VPS39: variants seen among roughly 807,000 people sequenced by gnomAD.
VPS39 encodes the protein VPS39 subunit of HOPS complex, also known as vam6/Vps39-like protein.
A neutral mutation model predicts 121.0 loss-of-function variants in VPS39; 70 were observed. That is an observed-to-expected ratio of 0.58 (90% confidence interval 0.48 to 0.71). The LOEUF (loss-of-function observed/expected upper bound fraction) is 0.71. VPS39 is among the 30% of genes least tolerant of loss of function. VPS39 has a pLI of 0.00. For synonymous variants in VPS39, 378 were observed against 398.1 expected (o/e 0.95, Z 0.60); for missense variants, 818 against 1,051.5 (o/e 0.78, Z 3.07).
At chr15:42,161,553 A>G (rs1351739998) in intron 24 of VPS39, 129 bp downstream of exon 24, 5 of 975,236 alleles carry the variant, frequency 5.1e-6, no homozygotes, top group Non-Finnish European at 8.2e-6. Flanking sequence ...TCAAGAACTA[A>G]AAGTTGTCAG....
At chr15:42,192,111 AG>A in intron 2 of VPS39, 2 of 1,536,310 alleles carry the variant, frequency 1.3e-6, no homozygotes, top group Non-Finnish European at 1.7e-6. Flanking sequence ...GTTACAAAAA[AG>A]GGGAAGAAAG....
chr15:42,166,955 G>A lies in VPS39; in HGVS notation c.1378-42C>T, dbSNP rs369268622. The A allele has an allele frequency of 1.2e-5, 20 of 1,611,448 alleles. No homozygotes were observed. The African/African-American group carries it at 2.5e-4, about 20-fold the overall frequency. On this transcript the variant is annotated intron_variant, in intron 13 of 24. Coordinates refer to ENST00000318006, the MANE Select transcript of VPS39 (RefSeq NM_015289.5). The stretch of plus-strand genomic sequence containing the variant: ...AGTTCAGTGGAAACTGCTTCCTGGG[G>A]AGCCCCACCCTTCCCTGGCCCAGGC...
chr15:42,191,945 T>A, intron 2 of VPS39: 2 of 1,197,194 alleles, frequency 1.7e-6, no homozygotes, highest in South Asian at 1.4e-5. Flanking sequence ...GCCCAAAGCA[T>A]CCTTAGATCT....
At chr15:42,180,578 A>C (rs896728827) in intron 8 of VPS39, among the ~76,000 whole-genome samples, 3 of 152,230 alleles carry the variant, frequency 2.0e-5, no homozygotes, top group Non-Finnish European at 2.9e-5. Context: ...TGTATGGTGA[A>C]GGAGATTTAA....
intron 2 of VPS39, chr15:42,199,675 A>T (rs558086366): frequency 2.7e-4 from 146 of 544,608 alleles, no homozygotes; most frequent in Non-Finnish European, 3.8e-4. Context: ...TAATTCAGTA[A>T]TAAGTAAACC....
At chr15:42,179,219 C>T (rs1056334894) in intron 8 of VPS39, 2 of 152,218 alleles carry the variant, frequency 1.3e-5, no homozygotes, top group Non-Finnish European at 2.9e-5. Context: ...CATAACAATG[C>T]ATCAGTGGGA....
intron 14 of VPS39, 30 bp from the exon 15 acceptor site, chr15:42,166,679 G>C (rs761759401): frequency 1.2e-6 from 2 of 1,614,094 alleles, no homozygotes; most frequent in East Asian, 4.5e-5. Context: ...ACAAGGTCAT[G>C]AGCCTTTTCC....
At chr15:42,183,696 CTAAT>C (rs369537117) in intron 8 of VPS39, among the ~76,000 whole-genome samples, 2 of 152,160 alleles carry the variant, frequency 1.3e-5, no homozygotes, top group African/African-American at 2.4e-5. Context: ...AAACTTCTTC[CTAAT>C]TAAACAACAA....
Position 42,165,729 on chromosome 15 carries a change from T to G in VPS39, c.1768A>C (p.Ile590Leu), listed in dbSNP as rs199516643. 60 of 1,613,956 alleles carry G rather than the reference T, an allele frequency of 3.7e-5. No individual in the cohort carries two copies. Among genetic ancestry groups the G allele is most frequent in the Non-Finnish European group, 4.9e-5 (58 of 1,179,950 alleles). Reference protein sequence around the residue: ...FLIENFKGLAIPYLEHIIHVW... With the variant: ...FLIENFKGLALPYLEHIIHVW... ...AAAAAATACCTTACCAGATAAGGAA[T>G]AGCCAGACCCTTAAAATTCTCTATT... The change falls in exon 17 of 25, where the codon ATT (isoleucine) becomes CTT (leucine). Residue 590 changes from isoleucine to leucine, a missense_variant. Physicochemically the swap from Ile to Leu is conservative, Grantham distance 5. Transcript: ENST00000318006.
intron 2 of VPS39, among the ~76,000 whole-genome samples, chr15:42,194,826 TA>T (rs1312332374): frequency 6.6e-6 from 1 of 151,898 alleles, no homozygotes; most frequent in South Asian, 2.1e-4. Flanking sequence ...TTCGTTTTTT[TA>T]AAAAAATCTC....
chr15:42,183,795 C>T (rs1016543832), intron 8 of VPS39, among the ~76,000 whole-genome samples: 1 of 152,158 alleles, frequency 6.6e-6, no homozygotes, highest in Non-Finnish European at 1.5e-5. Flanking sequence ...TTATCCAAGA[C>T]TGTAACCCTT....
At chr15:42,184,237 A>C (rs537308500) in intron 8 of VPS39, 1 of 241,584 alleles carries the variant, frequency 4.1e-6, no homozygotes, top group Non-Finnish European at 7.9e-6. Flanking sequence ...GGAGGAAGAA[A>C]AAAACTAAGA....
chr15:42,203,916 A>G (rs1024226006), intron 1 of VPS39, among the ~76,000 whole-genome samples: 3 of 152,242 alleles, frequency 2.0e-5, no homozygotes, highest in African/African-American at 7.2e-5. Context: ...GTAACACACA[A>G]CAGAAAGTGA....
At position 42,178,557 on chromosome 15, in the gene VPS39, G is replaced by A. The variant is rs2049506941; in HGVS notation, c.732C>T (p.Pro244=). 1.2e-6 allele frequency: 2 copies of A among 1,614,092 alleles called. No individual in the cohort carries two copies. Among genetic ancestry groups the A allele is most frequent in the Non-Finnish European group, 1.7e-6 (2 of 1,180,036 alleles). The change falls in exon 9 of 25, where the codon CCC becomes CCT. Residue 244 remains proline (P), a synonymous_variant. Transcript: ENST00000318006. ...ATCGAGGCAACACTGCAATGATGTA[G>A]GGAGGCTGGTGCTCTGTGAAAGAGA... is the stretch of plus-strand genomic sequence containing the variant. ...DIPVAMEHQP[P]YIIAVLPRYV...
chr15:42,177,350 A>T (rs968790795), intron 10 of VPS39, among the ~76,000 whole-genome samples: 1 of 152,152 alleles, frequency 6.6e-6, no homozygotes. Context: ...AGACTCTGAC[A>T]TCAACATTGG....
At chr15:42,163,473 C>T (rs1047779977) in intron 20 of VPS39, 78 bp from the exon 21 acceptor site, 26 of 1,592,540 alleles carry the variant, frequency 1.6e-5, no homozygotes, top group East Asian at 8.9e-5. Flanking sequence ...GCAGCCTGCT[C>T]GAGCAGCCTA....
chr15:42,161,178 A>G (rs1054446162), intron 24 of VPS39: 6 of 339,454 alleles, frequency 1.8e-5, no homozygotes, highest in African/African-American at 1.0e-4. Context: ...CTAATTCTGA[A>G]AAGGACGGCG....
At chr15:42,176,831 T>C (rs1406833967) in intron 10 of VPS39, among the ~76,000 whole-genome samples, 1 of 152,182 alleles carries the variant, frequency 6.6e-6, no homozygotes, top group African/African-American at 2.4e-5. Context: ...AATTCAGTTT[T>C]ATTACTATTA....
chr15:42,199,235 A>G (rs1040291233), intron 2 of VPS39, among the ~76,000 whole-genome samples: 1 of 152,194 alleles, frequency 6.6e-6, no homozygotes, highest in Non-Finnish European at 1.5e-5. Flanking sequence ...TTCTGCCCCA[A>G]TAAAAAACAC....
Sources: gnomAD v4.1 joint callset for allele counts (sites outside exome capture counted in the v4.1 genomes callset) on GRCh38, gnomAD v4.1.1 for gene constraint, MANE v1.5 for transcripts, NCBI Gene and HGNC (gene_info 2026-07-23, HGNC 2026-07-21) for gene names.